ANP32B: variants seen among roughly 807,000 people sequenced by gnomAD.
ANP32B encodes acidic nuclear phosphoprotein 32 family member B.
Under a neutral mutation model 32.2 loss-of-function variants are expected in ANP32B, and 6 were observed. The observed-to-expected ratio is 0.19, with a 90% CI of 0.10 to 0.37. The LOEUF (loss-of-function observed/expected upper bound fraction) is 0.37, where lower values mean the gene tolerates loss of function less well. ANP32B is among the 10% of genes least tolerant of loss of function. The pLI is 1.00. For missense variants in ANP32B, 204 were observed against 289.2 expected, an observed-to-expected ratio of 0.71 and a Z score of 2.14; for synonymous variants, 98 against 105.8, an observed-to-expected ratio of 0.93 and a Z score of 0.45.
chr9:98,003,106 T>A (rs1828021705), intron 3 of ANP32B, among the ~76,000 whole-genome samples: 1 of 152,172 alleles, frequency 6.6e-6, no homozygotes, highest in Non-Finnish European at 1.5e-5. Context: ...ATCTGAAAAT[T>A]ACATGATACA....
intron 3 of ANP32B, among the ~76,000 whole-genome samples, chr9:98,000,347 G>A (rs1243728669): frequency 1.3e-5 from 2 of 152,130 alleles, no homozygotes; most frequent in African/African-American, 2.4e-5. Context: ...TAAATGTGAT[G>A]CCTCACCAGT....
chr9:97,994,974 C>T (rs1827881719), intron 2 of ANP32B, among the ~76,000 whole-genome samples, 194 bp downstream of exon 2: 1 of 152,186 alleles, frequency 6.6e-6, no homozygotes, highest in Non-Finnish European at 1.5e-5. Flanking sequence ...CTCTAAGGCC[C>T]AATTTCCTCA....
chr9:97,999,758 T>A (rs1006607732), intron 3 of ANP32B, among the ~76,000 whole-genome samples: 6 of 152,190 alleles, frequency 3.9e-5, no homozygotes, highest in African/African-American at 1.4e-4. Flanking sequence ...TTGTGTAAGT[T>A]GTAGTGGCCA....
intron 1 of ANP32B, among the ~76,000 whole-genome samples, chr9:97,989,014 T>A (rs1827782551): frequency 6.6e-6 from 1 of 152,126 alleles, no homozygotes; most frequent in Admixed American, 6.5e-5. Flanking sequence ...TAGGTAAAGT[T>A]GATCTTTTTT....
chr9:97,995,607 A>C (rs1014263748), intron 2 of ANP32B, among the ~76,000 whole-genome samples: 1 of 152,136 alleles, frequency 6.6e-6, no homozygotes, highest in Non-Finnish European at 1.5e-5. Context: ...GTGGTTTTAC[A>C]GCAGGTGGAG....
At chr9:98,003,127 TATGACCAGA>T (rs1393541398) in intron 3 of ANP32B, among the ~76,000 whole-genome samples, 1 of 152,196 alleles carries the variant, frequency 6.6e-6, no homozygotes, top group Non-Finnish European at 1.5e-5. Flanking sequence ...AAAGCAGCTC[TATGACCAGA>T]AGGGCTGGGG....
In ANP32B at chr9:98,015,830, C is replaced by G; in HGVS notation, c.*399C>G. Reference sequence around the variant, plus strand: ...AACATTTTGGGTCTGTTTTTTCATGCTTTGCTTTTTAATTATTATTATTAT... The same window carrying G: ...AACATTTTGGGTCTGTTTTTTCATGGTTTGCTTTTTAATTATTATTATTAT... On this transcript the variant is annotated 3_prime_UTR_variant, in exon 7 of 7. Coordinates refer to ENST00000339399, the MANE Select transcript of ANP32B (RefSeq NM_006401.3). 1 of 974,650 alleles carries G rather than the reference C, an allele frequency of 1.0e-6. No individual in the cohort carries two copies. The highest frequency in any genetic ancestry group is 4.7e-5 in the South Asian group (1 of 21,074). The allele number at this position is 974,650 out of a possible 1,614,324, so 60.4% of individuals were successfully genotyped here. A position where few individuals can be genotyped will look rare whatever the true frequency, so the allele number is the denominator to read the frequency against.
At chr9:97,994,254 C>G (rs1461005799) in intron 1 of ANP32B, among the ~76,000 whole-genome samples, 1 of 152,154 alleles carries the variant, frequency 6.6e-6, no homozygotes, top group African/African-American at 2.4e-5. Context: ...TTAAGGTAGA[C>G]CCAGCCTAAA....
intron 3 of ANP32B, among the ~76,000 whole-genome samples, chr9:98,003,044 A>G (rs1405307979): frequency 6.6e-6 from 1 of 152,186 alleles, no homozygotes; most frequent in East Asian, 1.9e-4. Flanking sequence ...CTCTTTGGCA[A>G]GAAGTCATAC....
intron 1 of ANP32B, among the ~76,000 whole-genome samples, chr9:97,987,001 A>C (rs1287417929): frequency 6.6e-6 from 1 of 151,952 alleles, no homozygotes; most frequent in African/African-American, 2.4e-5. Flanking sequence ...GACCCTAGTA[A>C]CACTTTTGTT....
intron 1 of ANP32B, among the ~76,000 whole-genome samples, chr9:97,985,652 T>A (rs1241435731): frequency 6.6e-6 from 1 of 152,244 alleles, no homozygotes; most frequent in East Asian, 1.9e-4. Flanking sequence ...AATCTAGAAT[T>A]TGAATTCTTT....
Position 97,983,425 on chromosome 9 carries a change from C to G in ANP32B, c.-131C>G. ...CGCCTGCCCGCACGCCGCCCGCCAC[C>G]CAGGACCGCGCCGCCGGCCTCCGCC... On this transcript the variant is annotated 5_prime_UTR_variant, in exon 1 of 7. Transcript: ENST00000339399. The G allele has an allele frequency of 3.7e-6, 3 of 806,116 alleles. No individual in the cohort carries two copies. The highest frequency in any genetic ancestry group is 6.0e-6 in the Non-Finnish European group (3 of 500,806). The allele number at this position is 806,116 out of a possible 1,614,324, so 49.9% of individuals were successfully genotyped here.
At chr9:98,004,726 C>T (rs1324417974) in intron 3 of ANP32B, among the ~76,000 whole-genome samples, 1 of 152,140 alleles carries the variant, frequency 6.6e-6, no homozygotes, top group Non-Finnish European at 1.5e-5. Context: ...TTTCTTTAGA[C>T]TACTATGCTG....
chr9:98,004,839 A>G (rs999748889), intron 3 of ANP32B, 125 bp from the exon 4 acceptor site: 3 of 656,348 alleles, frequency 4.6e-6, no homozygotes, highest in Non-Finnish European at 5.0e-6. Context: ...GTATTTTTCT[A>G]TATATGAGGC....
At chr9:97,996,012 T>TTTA in intron 2 of ANP32B, among the ~76,000 whole-genome samples, 1 of 152,032 alleles carries the variant, frequency 6.6e-6, no homozygotes, top group East Asian at 1.9e-4. Context: ...ATTTGCCTTG[T>TTTA]TTAGGTAATA....
chr9:98,006,423 C>T (rs1003032375), intron 4 of ANP32B, among the ~76,000 whole-genome samples: 3 of 151,018 alleles, frequency 2.0e-5, no homozygotes, highest in East Asian at 4.0e-4. Context: ...TCCCGCACTG[C>T]GTATTTGTCT....
chr9:97,983,728 G>C (rs1346194656), intron 1 of ANP32B, 119 bp downstream of exon 1: 1 of 730,468 alleles, frequency 1.4e-6, no homozygotes, highest in East Asian at 3.4e-5. Context: ...GCAGCTCGTG[G>C]GCTCGGACGG....
At chr9:97,986,255 G>A (rs1341053447) in intron 1 of ANP32B, among the ~76,000 whole-genome samples, 4 of 152,374 alleles carry the variant, frequency 2.6e-5, no homozygotes, top group Middle Eastern at 3.4e-3. Context: ...AGTGGCTCGT[G>A]GGTGCTGCGT....
chr9:97,994,890 A>G, intron 2 of ANP32B, 110 bp downstream of exon 2: 1 of 1,082,978 alleles, frequency 9.2e-7, no homozygotes, highest in South Asian at 1.8e-5. Context: ...GGCCTTTGGA[A>G]CTGGGCAGAT....
Sources: gnomAD v4.1 joint callset for allele counts (sites outside exome capture counted in the v4.1 genomes callset) on GRCh38, gnomAD v4.1.1 for gene constraint, MANE v1.5 for transcripts, NCBI Gene and HGNC (gene_info 2026-07-23, HGNC 2026-07-21) for gene names.